The following ONECUT3 variants were observed in gnomAD, a reference collection of about 807,000 sequenced individuals.
The protein encoded by ONECUT3 is one cut homeobox 3.
ONECUT3 carries 11 observed loss-of-function variants against 16.8 expected under a neutral mutation model. The ratio of observed to expected loss-of-function variants is 0.66; its 90% CI spans 0.41 to 1.09. The LOEUF (loss-of-function observed/expected upper bound fraction) is 1.09, where lower values mean the gene tolerates loss of function less well. Ranked by LOEUF, ONECUT3 falls within the 50% of genes least tolerant of loss-of-function variation. The pLI, the probability that ONECUT3 is intolerant of heterozygous loss-of-function variation, is 0.00. For missense variants in ONECUT3, 637 were observed against 629.9 expected, an observed-to-expected ratio of 1.01 and a Z score of -0.12; for synonymous variants, 344 against 310.7, an observed-to-expected ratio of 1.11 and a Z score of -1.13.
In ONECUT3 at chr19:1,778,908, A is replaced by ACACACACC. The variant is rs1328846013; in HGVS notation, c.*3468_*3469insACCCACAC. The ACACACACC allele has an allele frequency of 2.3e-5, 3 of 128,434 alleles. No individual in the cohort carries two copies. Among genetic ancestry groups the ACACACACC allele is most frequent in the Non-Finnish European group, 5.0e-5 (3 of 59,682 alleles). 8.0% of individuals were successfully genotyped at this position (128,434 alleles called of 1,614,324 possible). On this transcript the variant is annotated 3_prime_UTR_variant, in exon 2 of 2. Coordinates refer to ENST00000382349, the MANE Select transcript of ONECUT3 (RefSeq NM_001080488.2). ...CACACACACACACACACACACACACACACACCCCTACCTGTTTCCGGACCC... is the reference window on the plus strand; with the variant it reads ...CACACACACACACACACACACACACACACACACCCACACCCCTACCTGTTTCCGGACCC...
At chr19:1,756,230 C>T (rs2067915624) in intron 1 of ONECUT3, among the ~76,000 whole-genome samples, 1 of 152,176 alleles carries the variant, frequency 6.6e-6, no homozygotes, top group Admixed American at 6.5e-5. Context: ...ACCCACAGGC[C>T]GGCCTCAGTT....
chr19:1,764,976 G>A lies in ONECUT3; in HGVS notation c.1192+10122G>A, dbSNP rs2067972670. ...GAATTGTCTGCTCCCTGAAGCCAGAGGTGGCTGAGGGAGGGGATCTCCAGC... is the reference window on the plus strand; with the variant it reads ...GAATTGTCTGCTCCCTGAAGCCAGAAGTGGCTGAGGGAGGGGATCTCCAGC... On this transcript the variant is annotated intron_variant, in intron 1 of 1. Transcript: ENST00000382349. The surrounding 1 kb of genome is among the most constrained non-coding windows in gnomAD (Gnocchi z 5.0). 6.6e-6 allele frequency among the ~76,000 whole-genome samples: 1 copy of A among 151,652 alleles called. No individual in the cohort carries two copies. The highest frequency in any genetic ancestry group is 2.4e-5 in the African/African-American group (1 of 40,962).
chr19:1,762,235 T>C lies in ONECUT3; in HGVS notation c.1192+7381T>C. Reference sequence around the variant, plus strand: ...TGCGTGCCTTCCGCGCGCCCCCAGCTGCGCCCGCCAGCCCTCCAACCCTCC... The same window carrying C: ...TGCGTGCCTTCCGCGCGCCCCCAGCCGCGCCCGCCAGCCCTCCAACCCTCC... On this transcript the variant is annotated intron_variant, in intron 1 of 1. Transcript: ENST00000382349. This position sits in a 1 kb window ranked among gnomAD's most constrained non-coding sequence, Gnocchi z 4.4. 6.6e-6 allele frequency among the ~76,000 whole-genome samples: 1 copy of C among 152,144 alleles called. No homozygotes were observed. Among genetic ancestry groups the C allele is most frequent in the East Asian group, 1.9e-4 (1 of 5,174 alleles).
chr19:1,757,121 G>A (rs991918146), intron 1 of ONECUT3, among the ~76,000 whole-genome samples: 2 of 141,424 alleles, frequency 1.4e-5, no homozygotes, highest in Non-Finnish European at 3.1e-5. Flanking sequence ...AACCGCAGGC[G>A]AGAAGTCCCA....
At chr19:1,768,998 ATGGTGGAGGTGGTGGAGGTGGAAG>A (rs1568599258) in intron 1 of ONECUT3, among the ~76,000 whole-genome samples, 3 of 91,952 alleles carry the variant, frequency 3.3e-5, no homozygotes, top group African/African-American at 8.9e-5. Flanking sequence ...GGTGGAGGTG[ATGGTGGAGGTGGTGGAGGTGGAAG>A]TGGAGGTGGA....
At position 1,780,712 on chromosome 19, in the gene ONECUT3, G is replaced by A. The variant is rs1195340397; in HGVS notation, c.*5267G>A. ...ACATTCTCTGCCCCAAGCGGTTTAAGCAAAATCAGGCCAGTAGACTCCTGG... is the reference window on the plus strand; with the variant it reads ...ACATTCTCTGCCCCAAGCGGTTTAAACAAAATCAGGCCAGTAGACTCCTGG... On this transcript the variant is annotated 3_prime_UTR_variant, in exon 2 of 2. Coordinates refer to ENST00000382349, the MANE Select transcript of ONECUT3 (RefSeq NM_001080488.2). 1.3e-5 allele frequency: 2 copies of A among 152,222 alleles called. No individual in the cohort carries two copies. Among genetic ancestry groups the A allele is most frequent in the Non-Finnish European group, 2.9e-5 (2 of 68,036 alleles). The allele number at this position is 152,222 out of a possible 1,614,324, so 9.4% of individuals were successfully genotyped here.
rs1388167169 is a variant in ONECUT3, at chr19:1,778,039, A to C, written c.*2594A>C. The C allele has an allele frequency of 6.7e-6, 1 of 150,234 alleles. No homozygotes were observed. Among genetic ancestry groups the C allele is most frequent in the East Asian group, 2.0e-4 (1 of 5,010 alleles). The allele number at this position is 150,234 out of a possible 1,614,324, so 9.3% of individuals were successfully genotyped here. ...AAAAACTTTAGGTCCAAGAAGATGC[A>C]CCCCATTCAACATACCATATTATTT... On this transcript the variant is annotated 3_prime_UTR_variant, in exon 2 of 2. Transcript: ENST00000382349.
At chr19:1,768,858 T>C (rs866049197) in intron 1 of ONECUT3, among the ~76,000 whole-genome samples, 2 of 30,968 alleles carry the variant, frequency 6.5e-5, no homozygotes, top group African/African-American at 3.8e-4. Context: ...GTGGAGACGA[T>C]GGAGGAGGTG....
chr19:1,754,137 C>A lies in ONECUT3; in HGVS notation c.475C>A (p.Arg159Ser). 2 of 1,056,620 alleles carry A rather than the reference C, an allele frequency of 1.9e-6. No homozygotes were observed. Among genetic ancestry groups the A allele is most frequent in the South Asian group, 3.4e-5 (1 of 29,694 alleles). 65.5% of individuals were successfully genotyped at this position (1,056,620 alleles called of 1,614,324 possible). A position where few individuals can be genotyped will look rare whatever the true frequency, so the allele number is the denominator to read the frequency against. ...GCCGCCCCCGCCACCCCCGCCGCAGCGTCTGGCGGCCAGCGTGAGCGGCAG... is the reference window on the plus strand; with the variant it reads ...GCCGCCCCCGCCACCCCCGCCGCAGAGTCTGGCGGCCAGCGTGAGCGGCAG... ...AAPPPPPPPQ[R>S]LAASVSGSFT... Residue 159 changes from arginine (R) to serine (S), a missense_variant, in exon 1 of 2, where the codon CGT becomes AGT. This residue lies in a region of ONECUT3 where 419 missense variants were observed against 377.9 expected (regional missense o/e 1.11). Coordinates refer to ENST00000382349, the MANE Select transcript of ONECUT3 (RefSeq NM_001080488.2). The surrounding 1 kb of genome is among the most constrained non-coding windows in gnomAD (Gnocchi z 7.4).
chr19:1,763,078 A>C (rs1318199875), intron 1 of ONECUT3, among the ~76,000 whole-genome samples: 1 of 151,608 alleles, frequency 6.6e-6, no homozygotes, highest in Non-Finnish European at 1.5e-5. Flanking sequence ...AATTAGCCAG[A>C]TGTGGCCGGG....
In ONECUT3 at chr19:1,754,435, C is replaced by T; in HGVS notation, c.773C>T (p.Ala258Val). The T allele has an allele frequency of 9.8e-7, 1 of 1,016,594 alleles. No individual in the cohort carries two copies. The highest frequency in any genetic ancestry group is 3.8e-5 in the South Asian group (1 of 26,620). The allele number at this position is 1,016,594 out of a possible 1,614,324, so 63.0% of individuals were successfully genotyped here. A position where few individuals can be genotyped will look rare whatever the true frequency, so the allele number is the denominator to read the frequency against. ...GCGCTGCTGGGACGCGCGGAGGACGCACTGGCCCGCGGGCTGCCCGGAGGC... is the reference window on the plus strand; with the variant it reads ...GCGCTGCTGGGACGCGCGGAGGACGTACTGGCCCGCGGGCTGCCCGGAGGC... ...HAALLGRAED[A>V]LARGLPGGGG... Residue 258 changes from alanine (A) to valine (V), a missense_variant, in exon 1 of 2, where the codon GCA becomes GTA. Ala to Val is a moderately conservative substitution (Grantham distance 64). This residue lies in a region of ONECUT3 where 419 missense variants were observed against 377.9 expected (regional missense o/e 1.11). Transcript: ENST00000382349. The surrounding 1 kb of genome is among the most constrained non-coding windows in gnomAD (Gnocchi z 7.4).
intron 1 of ONECUT3, among the ~76,000 whole-genome samples, chr19:1,760,753 C>T (rs2067942423): frequency 6.6e-6 from 1 of 152,136 alleles, no homozygotes; most frequent in Non-Finnish European, 1.5e-5. Flanking sequence ...CCCCTCCCAA[C>T]GCCAGCCTCG....
chr19:1,770,100 G>GT (rs936724383), intron 1 of ONECUT3, among the ~76,000 whole-genome samples: 1 of 152,146 alleles, frequency 6.6e-6, no homozygotes, highest in African/African-American at 2.4e-5. Flanking sequence ...TAGAATTATT[G>GT]TAAGGATTGA....
At position 1,758,002 on chromosome 19, in the gene ONECUT3, C is replaced by T. The variant is rs1458912596; in HGVS notation, c.1192+3148C>T. ...CTCCTCCAAGGAGAACTTTGCGCCC[C>T]GGGTCTCCCGTCGCGCTTGCCCGGC... On this transcript the variant is annotated intron_variant, in intron 1 of 1. Coordinates refer to ENST00000382349, the MANE Select transcript of ONECUT3 (RefSeq NM_001080488.2). The surrounding 1 kb of genome is among the most constrained non-coding windows in gnomAD (Gnocchi z 5.9). 1.3e-5 allele frequency among the ~76,000 whole-genome samples: 2 copies of T among 152,340 alleles called. No individual in the cohort carries two copies. Among genetic ancestry groups the T allele is most frequent in the African/African-American group, 4.8e-5 (2 of 41,578 alleles).
At chr19:1,763,698 C>T (rs1412672761) in intron 1 of ONECUT3, among the ~76,000 whole-genome samples, 3 of 151,522 alleles carry the variant, frequency 2.0e-5, no homozygotes, top group Non-Finnish European at 4.4e-5. Context: ...AAAGGCTGCG[C>T]TCCAGGGATA....
rs947082228 is a variant in ONECUT3, at chr19:1,755,904, C to T, written c.1192+1050C>T. ...TGGGGGTGTAAGGGTGCAGGAGGGC[C>T]CCTGGCCTAGGTGGGGGTTTCTTTC... On this transcript the variant is annotated intron_variant, in intron 1 of 1. Transcript: ENST00000382349. The surrounding 1 kb of genome is among the most constrained non-coding windows in gnomAD (Gnocchi z 7.5). Among the ~76,000 whole-genome samples the T allele has an allele frequency of 6.6e-6, 1 of 151,948 alleles. No homozygotes were observed. Among genetic ancestry groups the T allele is most frequent in the African/African-American group, 2.4e-5 (1 of 41,366 alleles).
chr19:1,769,037 ACGGTGGAGGTGGTGGAGTTGCTGG>A (rs1340710347), intron 1 of ONECUT3, among the ~76,000 whole-genome samples: 57 of 9,158 alleles, frequency 6.2e-3, no homozygotes, highest in African/African-American at 0.036. Flanking sequence ...GGTGGAGGTG[ACGGTGGAGGTGGTGGAGTTGCTGG>A]AGGTGGAGGT....
In ONECUT3 at chr19:1,779,903, C is replaced by T. The variant is rs1164849386; in HGVS notation, c.*4458C>T. On this transcript the variant is annotated 3_prime_UTR_variant, in exon 2 of 2. Coordinates refer to ENST00000382349, the MANE Select transcript of ONECUT3 (RefSeq NM_001080488.2). ...CTCCACCCGAGATGCCACCTGCCTG[C>T]CCCAGCCAGGCGGGAGCCACCGAGC... The T allele has an allele frequency of 6.6e-6, 1 of 152,108 alleles. No homozygotes were observed. Among genetic ancestry groups the T allele is most frequent in the African/African-American group, 2.4e-5 (1 of 41,364 alleles). The allele number at this position is 152,108 out of a possible 1,614,324, so 9.4% of individuals were successfully genotyped here.
chr19:1,765,825 G>T (rs1231704069), intron 1 of ONECUT3, among the ~76,000 whole-genome samples: 1 of 152,194 alleles, frequency 6.6e-6, no homozygotes, highest in Non-Finnish European at 1.5e-5. Flanking sequence ...GTGGTGAGGG[G>T]AGCAGGGGGA....
Sources: allele counts gnomAD v4.1 joint callset (sites outside exome capture counted in the v4.1 genomes callset), GRCh38; gene constraint gnomAD v4.1.1; regional missense constraint gnomAD v4.1.1; non-coding constraint Gnocchi (gnomAD v3.1); transcripts MANE v1.5; gene names NCBI Gene and HGNC (gene_info 2026-07-23, HGNC 2026-07-21).